CPAMD8: variants seen among roughly 807,000 people sequenced by gnomAD.
The protein encoded by CPAMD8 is C3 and PZP like alpha-2-macroglobulin domain containing 8.
In CPAMD8, 146 loss-of-function variants were observed where a neutral mutation model predicts 224.7. That is an observed-to-expected ratio of 0.65 (90% CI 0.57 to 0.75). The LOEUF (loss-of-function observed/expected upper bound fraction) is 0.75. Ranked by LOEUF, CPAMD8 falls within the 30% of genes least tolerant of loss-of-function variation. The pLI is 0.00. For missense variants in CPAMD8, 2,301 were observed against 2,537.5 expected (o/e 0.91, Z 2.00); for synonymous variants, 966 against 1,044.6 (o/e 0.92, Z 1.45).
intron 25 of CPAMD8, among the ~76,000 whole-genome samples, chr19:16,926,650 A>G (rs926234708): frequency 1.3e-5 from 2 of 151,920 alleles, no homozygotes; most frequent in African/African-American, 4.8e-5. Flanking sequence ...TGCATGTCTC[A>G]CTGAGGCTGC....
At chr19:16,945,101 C>T (rs1335424576) in intron 22 of CPAMD8, among the ~76,000 whole-genome samples, 2 of 152,154 alleles carry the variant, frequency 1.3e-5, no homozygotes, top group Admixed American at 1.3e-4. Context: ...GGTAAGTGGC[C>T]AATCCTGGAT....
Position 16,909,255 on chromosome 19 carries a change from T to A in CPAMD8, c.3862-2138A>T, listed in dbSNP as rs151050103. ...TCCAATGACAAATATCTTTAAAAAA[T>A]TTTTTTTGGCTGGGCACGGTGGCTC... On this transcript the variant is annotated intron_variant, in intron 29 of 41. Transcript: ENST00000443236. Among the ~76,000 whole-genome samples, 670 of 152,082 alleles carry A rather than the reference T, an allele frequency of 4.4e-3. 4 individuals carry two copies. The highest frequency in any genetic ancestry group is 0.015 in the African/African-American group (619 of 41,488).
chr19:16,952,060 A>T lies in CPAMD8; in HGVS notation c.2417T>A (p.Phe806Tyr), dbSNP rs1006174893. The change falls in exon 20 of 42, where the codon TTC (phenylalanine) becomes TAC (tyrosine). Residue 806 changes from phenylalanine to tyrosine, a missense_variant. Physicochemically the swap from Phe to Tyr is conservative, Grantham distance 22 (BLOSUM62 3). Transcript: ENST00000443236. ...GAGAGCGGGGAGCATGAAGTCCACGAAGAAGGGCTTGAAGGTCTTCAGCAG... is the reference window on the plus strand; with the variant it reads ...GAGAGCGGGGAGCATGAAGTCCACGTAGAAGGGCTTGAAGGTCTTCAGCAG... ...PSLLKTFKPF[F>Y]VDFMLPALII... is the part of the protein sequence containing the mutation. 1.9e-6 allele frequency: 3 copies of T among 1,574,132 alleles called. No homozygotes were observed. The highest frequency in any genetic ancestry group is 2.7e-5 in the African/African-American group (2 of 74,166).
chr19:16,989,304 T>G (rs2055854316), intron 13 of CPAMD8, among the ~76,000 whole-genome samples: 1 of 152,082 alleles, frequency 6.6e-6, no homozygotes, highest in African/African-American at 2.4e-5. Flanking sequence ...GCTGTGTCTT[T>G]TTTGAGGAGT....
At chr19:16,913,118 T>C (rs995570867) in intron 29 of CPAMD8, among the ~76,000 whole-genome samples, 7 of 152,154 alleles carry the variant, frequency 4.6e-5, no homozygotes, top group African/African-American at 1.7e-4. Flanking sequence ...GTGCTGTCCA[T>C]TCCAACTCGA....
chr19:16,906,070 C>T (rs1490455236), intron 30 of CPAMD8, among the ~76,000 whole-genome samples: 1 of 152,162 alleles, frequency 6.6e-6, no homozygotes, highest in Non-Finnish European at 1.5e-5. Flanking sequence ...CTGGGGATCC[C>T]TCTCTGAGAA....
chr19:16,991,218 G>A (rs2055938439), intron 12 of CPAMD8, among the ~76,000 whole-genome samples: 1 of 152,106 alleles, frequency 6.6e-6, no homozygotes, highest in African/African-American at 2.4e-5. Context: ...TTCCAATCTG[G>A]GAATTGCCCA....
chr19:16,895,849 C>T (rs2051940130), intron 41 of CPAMD8: 1 of 512,666 alleles, frequency 2.0e-6, no homozygotes, highest in Admixed American at 2.3e-5. Context: ...CTGCTGGTCC[C>T]CCCAGCATTT....
chr19:16,976,892 A>T (rs2055295318), intron 15 of CPAMD8, among the ~76,000 whole-genome samples: 2 of 151,958 alleles, frequency 1.3e-5, no homozygotes, highest in Non-Finnish European at 2.9e-5. Context: ...AAATACAAAA[A>T]TTAGCCAGAC....
intron 22 of CPAMD8, 97 bp downstream of exon 22, chr19:16,945,452 T>C (rs932610924): frequency 2.0e-6 from 3 of 1,499,168 alleles, no homozygotes; most frequent in Non-Finnish European, 2.7e-6. Flanking sequence ...GCCCAGGCCC[T>C]GGCTCAGCCT....
intron 12 of CPAMD8, among the ~76,000 whole-genome samples, chr19:16,991,864 A>C (rs1029239305): frequency 5.9e-5 from 9 of 151,702 alleles, no homozygotes; most frequent in South Asian, 2.1e-4. Context: ...CAAAAAAAAA[A>C]AACAACAGAA....
chr19:17,009,415 AG>A, intron 5 of CPAMD8, 95 bp from the exon 6 acceptor site: 1 of 1,602,484 alleles, frequency 6.2e-7, no homozygotes. Flanking sequence ...CGGGACAGGC[AG>A]TCGCTGTTAT....
intron 26 of CPAMD8, among the ~76,000 whole-genome samples, chr19:16,924,077 C>T (rs1020379494): frequency 3.3e-5 from 5 of 152,240 alleles, no homozygotes; most frequent in Admixed American, 3.3e-4. Flanking sequence ...CAGCAGACGC[C>T]AGGAGAGAGG....
At position 16,971,010 on chromosome 19, in the gene CPAMD8, G is replaced by C; in HGVS notation, c.2094C>G (p.Thr698=). The change falls in exon 18 of 42, where the codon ACC becomes ACG. Residue 698 remains threonine (T), a synonymous_variant. Coordinates refer to ENST00000443236, the MANE Select transcript of CPAMD8 (RefSeq NM_015692.5). ...AFTETGLVVM[T]DRVSLNHRQD... ...GCCGGTGGTTCAGGCTCACTCGGTC[G>C]GTCATCACCACCAGTCCCGTTTCCT... is the stretch of plus-strand genomic sequence containing the variant. 1 of 1,609,900 alleles carries C rather than the reference G, an allele frequency of 6.2e-7. No individual in the cohort carries two copies. Among genetic ancestry groups the C allele is most frequent in the Non-Finnish European group, 8.5e-7 (1 of 1,178,120 alleles).
intron 2 of CPAMD8, among the ~76,000 whole-genome samples, chr19:17,020,951 C>G (rs966566519): frequency 1.3e-5 from 2 of 152,230 alleles, no homozygotes; most frequent in African/African-American, 4.8e-5. Flanking sequence ...TCTCCATCCA[C>G]CTTCCTGGGA....
At chr19:16,981,006 T>G (rs1471839426) in intron 13 of CPAMD8, among the ~76,000 whole-genome samples, 1 of 139,710 alleles carries the variant, frequency 7.2e-6, no homozygotes, top group African/African-American at 3.1e-5. Context: ...ATAATTTTTG[T>G]ATTTTTAGTA....
intron 35 of CPAMD8, among the ~76,000 whole-genome samples, chr19:16,901,784 G>A (rs146022024): frequency 7.9e-5 from 12 of 152,270 alleles, no homozygotes; most frequent in African/African-American, 2.4e-4. Context: ...TATGCCAGGC[G>A]CTTCCTATAG....
In CPAMD8 at chr19:16,914,651, A is replaced by C. The variant is rs760265565; in HGVS notation, c.3786+6T>G. 6.2e-7 allele frequency: 1 copy of C among 1,613,812 alleles called. No homozygotes were observed. The highest frequency in any genetic ancestry group is 8.5e-7 in the Non-Finnish European group (1 of 1,179,858). ...GCCCGGGAAGGAGGCTCAAGGGGCC[A>C]CTCACCTGGATGTCCTTGTTCAGGA... On this transcript the variant is annotated splice_donor_region_variant and intron_variant, in intron 28 of 41. Transcript: ENST00000443236.
chr19:17,007,314 A>G (rs2056518480), intron 7 of CPAMD8, among the ~76,000 whole-genome samples: 2 of 151,944 alleles, frequency 1.3e-5, no homozygotes, highest in Admixed American at 6.6e-5. Flanking sequence ...AGTCTGGGTG[A>G]CAATAGCAAG....
Sources: gnomAD v4.1 joint callset for allele counts (sites outside exome capture counted in the v4.1 genomes callset) on GRCh38, gnomAD v4.1.1 for gene constraint, MANE v1.5 for transcripts, NCBI Gene and HGNC (gene_info 2026-07-23, HGNC 2026-07-21) for gene names.